Variants in ANKRD31 observed in about 807,000 individuals in gnomAD.
ANKRD31 encodes ankyrin repeat domain-containing protein 31.
A neutral mutation model predicts 186.0 loss-of-function variants in ANKRD31; 147 were observed. The observed-to-expected ratio is 0.79, with a 90% confidence interval of 0.69 to 0.91. The LOEUF is 0.91. ANKRD31 is among the 40% of genes least tolerant of loss of function. The pLI is 0.00. For missense variants in ANKRD31, 1,986 were observed against 2,148.8 expected (o/e 0.92, Z 1.50); for synonymous variants, 673 against 736.4 (o/e 0.91, Z 1.39).
At chr5:75,177,927 G>A (rs1753946514) in intron 10 of ANKRD31, among the ~76,000 whole-genome samples, 1 of 152,010 alleles carries the variant, frequency 6.6e-6, no homozygotes, top group Admixed American at 6.6e-5. Flanking sequence ...CAATTAAAAG[G>A]CGCAGACTGG....
At chr5:75,124,121 CA>C (rs1403546967) in intron 17 of ANKRD31, among the ~76,000 whole-genome samples, 1 of 151,974 alleles carries the variant, frequency 6.6e-6, no homozygotes, top group Non-Finnish European at 1.5e-5. Context: ...AAAAAACTGG[CA>C]AAGGACATGA....
At chr5:75,068,721 T>C in intron 25 of ANKRD31, 57 bp from the exon 26 acceptor site, 1 of 1,432,974 alleles carries the variant, frequency 7.0e-7, no homozygotes, top group Non-Finnish European at 9.1e-7. Context: ...AAGATGTAAA[T>C]TTTGCTATTA....
rs1580483889 is a variant in ANKRD31 at position 75,174,909 on chromosome 5, A to G, written c.1565-5788T>C. ...CACCCAAAGGATTGTAAATCATGCT[A>G]CTATAAAGACACATGCACATGTATG... On this transcript the variant is annotated intron_variant, in intron 10 of 25. Transcript: ENST00000506364. Among the ~76,000 whole-genome samples, 4 of 152,194 alleles carry G rather than the reference A, an allele frequency of 2.6e-5. No homozygotes were observed. In the South Asian group the frequency reaches 6.2e-4, roughly 24 times the overall value.
intron 25 of ANKRD31, among the ~76,000 whole-genome samples, chr5:75,079,806 A>G (rs1744944207): frequency 6.6e-6 from 1 of 152,124 alleles, no homozygotes; most frequent in African/African-American, 2.4e-5. Context: ...CCACAATTAG[A>G]AGCAGTAAAT....
intron 21 of ANKRD31, among the ~76,000 whole-genome samples, chr5:75,105,914 T>G (rs1747296711): frequency 6.6e-6 from 1 of 152,130 alleles, no homozygotes; most frequent in Non-Finnish European, 1.5e-5. Flanking sequence ...ATCTTCATAC[T>G]TTTGTCTTTT....
At chr5:75,147,593 T>G in intron 13 of ANKRD31, 88 bp from the exon 14 acceptor site, 4 of 953,862 alleles carry the variant, frequency 4.2e-6, no homozygotes, top group Non-Finnish European at 4.4e-6. Flanking sequence ...TCAACTATTA[T>G]TTGATTCAAA....
rs995337858 is a variant in ANKRD31, at chr5:75,206,512, A to C, written c.327-25T>G. On this transcript the variant is annotated intron_variant, in intron 4 of 25. Coordinates refer to ENST00000506364, the MANE Select transcript of ANKRD31 (RefSeq NM_001372053.1). ...CCTAAAAAATCAATTAATAAAAATA[A>C]ATTTTAAAATGGAAGAAAAAATAGT... 1.1e-5 allele frequency: 14 copies of C among 1,309,726 alleles called. No individual in the cohort carries two copies. The African/African-American group carries it at 2.0e-4, about 18-fold the overall frequency. The allele number at this position is 1,309,726 out of a possible 1,614,324, so 81.1% of individuals were successfully genotyped here. A position where few individuals can be genotyped will look rare whatever the true frequency, so the allele number is the denominator to read the frequency against.
intron 19 of ANKRD31, among the ~76,000 whole-genome samples, chr5:75,114,963 C>G (rs1041954386): frequency 6.6e-6 from 1 of 152,032 alleles, no homozygotes; most frequent in African/African-American, 2.4e-5. Context: ...AATCCTGAGC[C>G]AAAAGAACAA....
intron 10 of ANKRD31, among the ~76,000 whole-genome samples, chr5:75,177,967 G>A (rs35836971): frequency 0.049 from 7,443 of 152,174 alleles, 400 homozygotes; most frequent in African/African-American, 0.13. Flanking sequence ...AGACCCATCC[G>A]TGTGCTGTAT....
intron 2 of ANKRD31, among the ~76,000 whole-genome samples, chr5:75,223,340 G>A (rs1757420429): frequency 6.6e-6 from 1 of 152,086 alleles, no homozygotes; most frequent in East Asian, 1.9e-4. Context: ...GTCTCAGGAT[G>A]AATAAAGGCA....
intron 1 of ANKRD31, among the ~76,000 whole-genome samples, chr5:75,232,259 TTTTG>T (rs916615224): frequency 4.1e-4 from 63 of 152,226 alleles, no homozygotes; most frequent in African/African-American, 1.2e-3. Context: ...TTGTGAGGTT[TTTTG>T]TTTGTTTGTT....
At chr5:75,111,842 C>T (rs1747813498) in intron 20 of ANKRD31, among the ~76,000 whole-genome samples, 1 of 152,144 alleles carries the variant, frequency 6.6e-6, no homozygotes, top group African/African-American at 2.4e-5. Context: ...AAGACATCCA[C>T]CTGTTACATA....
chr5:75,069,457 C>T (rs926785049), intron 25 of ANKRD31, among the ~76,000 whole-genome samples: 4 of 152,152 alleles, frequency 2.6e-5, no homozygotes, highest in African/African-American at 9.7e-5. Flanking sequence ...AGATCTACAC[C>T]AATGAGTGAA....
chr5:75,084,417 T>C (rs1010474874), intron 23 of ANKRD31, 43 bp from the exon 24 acceptor site: 2 of 1,360,768 alleles, frequency 1.5e-6, no homozygotes, highest in African/African-American at 1.4e-5. Context: ...ATACATTCTG[T>C]AAGAAGGAAA....
rs1745541629 is a variant in ANKRD31, at chr5:75,086,969, C to T, written c.5473-2595G>A. Among the ~76,000 whole-genome samples the T allele has an allele frequency of 5.3e-5, 8 of 152,160 alleles. No individual in the cohort carries two copies. In the South Asian group the frequency reaches 1.5e-3, roughly 28 times the overall value. ...GTATTCTGGAAATGTAGTTAATGAG[C>T]CAAGTGAAATTATTAATTAACTTTA... On this transcript the variant is annotated intron_variant, in intron 23 of 25. Coordinates refer to ENST00000506364, the MANE Select transcript of ANKRD31 (RefSeq NM_001372053.1).
At chr5:75,181,868 A>G (rs1754327956) in intron 10 of ANKRD31, among the ~76,000 whole-genome samples, 1 of 145,004 alleles carries the variant, frequency 6.9e-6, no homozygotes, top group Non-Finnish European at 1.5e-5. Flanking sequence ...CATGTACCCT[A>G]AAACTTAAAA....
chr5:75,230,071 G>T (rs1263853269), intron 2 of ANKRD31, among the ~76,000 whole-genome samples: 1 of 151,940 alleles, frequency 6.6e-6, no homozygotes, highest in Non-Finnish European at 1.5e-5. Flanking sequence ...GTGTGTCTGT[G>T]TGTGTGTGTG....
At chr5:75,140,829 C>A (rs546817501) in intron 15 of ANKRD31, among the ~76,000 whole-genome samples, 92 of 152,276 alleles carry the variant, frequency 6.0e-4, no homozygotes, top group Middle Eastern at 6.8e-3. Flanking sequence ...ATTCTGCCAA[C>A]AATCACATGA....
chr5:75,168,859 A>G (rs1175024265), intron 11 of ANKRD31, 120 bp downstream of exon 11: 1 of 953,040 alleles, frequency 1.0e-6, no homozygotes, highest in African/African-American at 1.7e-5. Flanking sequence ...AATTCTAAGT[A>G]TTCATTAGCA....
Sources: gnomAD v4.1 joint callset for allele counts (sites outside exome capture counted in the v4.1 genomes callset) on GRCh38, gnomAD v4.1.1 for gene constraint, MANE v1.5 for transcripts, NCBI Gene and HGNC (gene_info 2026-07-23, HGNC 2026-07-21) for gene names.